SCO1: variants seen among roughly 807,000 people sequenced by gnomAD.
SCO1 encodes the protein synthesis of cytochrome C oxidase 1.
A neutral mutation model predicts 34.0 loss-of-function variants in SCO1; 23 were observed. The observed-to-expected ratio is 0.68, with a 90% CI of 0.49 to 0.96. The LOEUF is 0.96. Among genes scored for constraint, SCO1 ranks in the 40% least tolerant of loss-of-function variants. The pLI is 0.00. For synonymous variants in SCO1, 161 were observed against 145.5 expected (o/e 1.11, Z -0.77); for missense variants, 404 against 381.6 (o/e 1.06, Z -0.49).
Position 10,675,435 on chromosome 17 carries a change from G to A in SCO1, c.*5684C>T, listed in dbSNP as rs542695556. 1 of 152,372 alleles carries A rather than the reference G, an allele frequency of 6.6e-6. No homozygotes were observed. Among genetic ancestry groups the A allele is most frequent in the South Asian group, 2.1e-4 (1 of 4,832 alleles). 9.4% of individuals were successfully genotyped at this position (152,372 alleles called of 1,614,324 possible). On this transcript the variant is annotated 3_prime_UTR_variant, in exon 6 of 6. Coordinates refer to ENST00000255390, the MANE Select transcript of SCO1 (RefSeq NM_004589.4). ...TTGCTTTCTTTCAAGACTGCCTTTTGCAGGGACTCTTTTTCCCCTCTACTT... is the reference window on the plus strand; with the variant it reads ...TTGCTTTCTTTCAAGACTGCCTTTTACAGGGACTCTTTTTCCCCTCTACTT...
In SCO1 at chr17:10,675,032, A is replaced by T. The variant is rs1395351914; in HGVS notation, c.*6087T>A. 1 of 152,266 alleles carries T rather than the reference A, an allele frequency of 6.6e-6. No homozygotes were observed. The highest frequency in any genetic ancestry group is 1.5e-5 in the Non-Finnish European group (1 of 68,084). 9.4% of individuals were successfully genotyped at this position (152,266 alleles called of 1,614,324 possible). On this transcript the variant is annotated 3_prime_UTR_variant, in exon 6 of 6. Coordinates refer to ENST00000255390, the MANE Select transcript of SCO1 (RefSeq NM_004589.4). Reference sequence around the variant, plus strand: ...CTTCAGTTTGCTCCTCCTCAGTGTCAGGGTCCCAGGGCCCTAGAAGTCTCT... The same window carrying T: ...CTTCAGTTTGCTCCTCCTCAGTGTCTGGGTCCCAGGGCCCTAGAAGTCTCT...
At chr17:10,696,487 T>A (rs983153476) in intron 1 of SCO1, among the ~76,000 whole-genome samples, 2 of 152,062 alleles carry the variant, frequency 1.3e-5, no homozygotes, top group Non-Finnish European at 2.9e-5. Flanking sequence ...CAAAAAACAA[T>A]TATCTGCTTA....
chr17:10,695,918 A>G (rs1192286987), intron 1 of SCO1, 87 bp from the exon 2 acceptor site: 1 of 930,182 alleles, frequency 1.1e-6, no homozygotes, highest in East Asian at 2.5e-5. Flanking sequence ...TTTTTAATAT[A>G]CATACACACA....
At chr17:10,696,573 CA>C (rs1307998412) in intron 1 of SCO1, among the ~76,000 whole-genome samples, 1 of 152,164 alleles carries the variant, frequency 6.6e-6, no homozygotes, top group Non-Finnish European at 1.5e-5. Context: ...GTAACAATGC[CA>C]AAGTAGAAGA....
In SCO1 at chr17:10,677,464, G is replaced by A. The variant is rs1276917937; in HGVS notation, c.*3655C>T. 2 of 152,114 alleles carry A rather than the reference G, an allele frequency of 1.3e-5. No individual in the cohort carries two copies. Among genetic ancestry groups the A allele is most frequent in the Non-Finnish European group, 2.9e-5 (2 of 68,026 alleles). 9.4% of individuals were successfully genotyped at this position (152,114 alleles called of 1,614,324 possible). On this transcript the variant is annotated 3_prime_UTR_variant, in exon 6 of 6. Transcript: ENST00000255390. Reference sequence around the variant, plus strand: ...GGTACTAAACAGAAAACCAAAAAAGGTTTGGGAGATTATGGATGATTTGAA... The same window carrying A: ...GGTACTAAACAGAAAACCAAAAAAGATTTGGGAGATTATGGATGATTTGAA...
rs947605782 is a variant in SCO1 at position 10,679,267 on chromosome 17, A to C, written c.*1852T>G. The C allele has an allele frequency of 6.6e-6, 1 of 152,102 alleles. No individual in the cohort carries two copies. The highest frequency in any genetic ancestry group is 1.5e-5 in the Non-Finnish European group (1 of 68,030). 9.4% of individuals were successfully genotyped at this position (152,102 alleles called of 1,614,324 possible). A position where few individuals can be genotyped will look rare whatever the true frequency, so the allele number is the denominator to read the frequency against. ...CCAGCTAATCTATTATTTTAAGAAC[A>C]CCAGTCATATAGAATTAGGGCCAAC... On this transcript the variant is annotated 3_prime_UTR_variant, in exon 6 of 6. Coordinates refer to ENST00000255390, the MANE Select transcript of SCO1 (RefSeq NM_004589.4).
Position 10,675,798 on chromosome 17 carries a change from A to G in SCO1, c.*5321T>C, listed in dbSNP as rs960993858. The G allele has an allele frequency of 3.3e-5, 5 of 152,182 alleles. No individual in the cohort carries two copies. Among genetic ancestry groups the G allele is most frequent in the African/African-American group, 1.2e-4 (5 of 41,446 alleles). 9.4% of individuals were successfully genotyped at this position (152,182 alleles called of 1,614,324 possible). A position where few individuals can be genotyped will look rare whatever the true frequency, so the allele number is the denominator to read the frequency against. ...AGTCTTTTTAAACTGGTCCAACCTGAATAACGCCACCCTATGTTTAAGAAT... is the reference window on the plus strand; with the variant it reads ...AGTCTTTTTAAACTGGTCCAACCTGGATAACGCCACCCTATGTTTAAGAAT... On this transcript the variant is annotated 3_prime_UTR_variant, in exon 6 of 6. Transcript: ENST00000255390.
In SCO1 at chr17:10,691,879, A is replaced by C; in HGVS notation, c.648T>G (p.Tyr216Ter). ...TATTATTTAAAAAAATACCTTTCAC[A>C]TAATTTGCGATGGCTTCTTTTGTGT... The part of the protein sequence containing the change: ...ERDTKEAIAN[Y>*]VKEFSPKLVG... The change falls in exon 4 of 6, where the codon TAT (tyrosine) becomes TAG (stop). Residue 216 changes from tyrosine to a stop codon, truncating the protein, a stop_gained. Coordinates refer to ENST00000255390, the MANE Select transcript of SCO1 (RefSeq NM_004589.4). LOFTEE classifies it high-confidence loss of function. 1 of 1,604,260 alleles carries C rather than the reference A, an allele frequency of 6.2e-7. No homozygotes were observed. Among genetic ancestry groups the C allele is most frequent in the Non-Finnish European group, 8.5e-7 (1 of 1,171,004 alleles).
intron 5 of SCO1, among the ~76,000 whole-genome samples, chr17:10,683,523 T>C (rs1332166958): frequency 2.0e-5 from 3 of 152,132 alleles, no homozygotes. Context: ...GTGCCTGCTG[T>C]TCCAAATTCA....
Position 10,680,889 on chromosome 17 carries a change from G to A in SCO1, c.*230C>T, listed in dbSNP as rs2074617291. 7.1e-6 allele frequency: 4 copies of A among 565,952 alleles called. No homozygotes were observed. Among genetic ancestry groups the A allele is most frequent in the Non-Finnish European group, 9.4e-6 (3 of 319,136 alleles). 35.1% of individuals were successfully genotyped at this position (565,952 alleles called of 1,614,324 possible). A position where few individuals can be genotyped will look rare whatever the true frequency, so the allele number is the denominator to read the frequency against. ...TGGCTTCACTTCAGCTTGATCCTCT[G>A]GTCTCCCCACAGCTTCCTGGGAGAC... On this transcript the variant is annotated 3_prime_UTR_variant, in exon 6 of 6. Coordinates refer to ENST00000255390, the MANE Select transcript of SCO1 (RefSeq NM_004589.4).
Position 10,677,494 on chromosome 17 carries a change from T to C in SCO1, c.*3625A>G, listed in dbSNP as rs1323091963. 1 of 152,222 alleles carries C rather than the reference T, an allele frequency of 6.6e-6. No homozygotes were observed. Among genetic ancestry groups the C allele is most frequent in the East Asian group, 1.9e-4 (1 of 5,202 alleles). The allele number at this position is 152,222 out of a possible 1,614,324, so 9.4% of individuals were successfully genotyped here. Reference sequence around the variant, plus strand: ...GGAGATTATGGATGATTTGAAAATATTAATGTCAATTTCTTTTAAACATAA... The same window carrying C: ...GGAGATTATGGATGATTTGAAAATACTAATGTCAATTTCTTTTAAACATAA... On this transcript the variant is annotated 3_prime_UTR_variant, in exon 6 of 6. Coordinates refer to ENST00000255390, the MANE Select transcript of SCO1 (RefSeq NM_004589.4).
At position 10,697,107 on chromosome 17, in the gene SCO1, G is replaced by T. The variant is rs1597511593; in HGVS notation, c.273+128C>A. On this transcript the variant is annotated intron_variant, in intron 1 of 5. Coordinates refer to ENST00000255390, the MANE Select transcript of SCO1 (RefSeq NM_004589.4). ...GGATGAAATTCCATGACCCAGGTAA[G>T]GCGCGCAAGCTAAGGACAACTTTAG... The T allele has an allele frequency of 1.3e-5, 12 of 895,990 alleles. No homozygotes were observed. In the East Asian group the frequency reaches 3.2e-4, roughly 24 times the overall value. 55.5% of individuals were successfully genotyped at this position (895,990 alleles called of 1,614,324 possible).
At position 10,674,678 on chromosome 17, in the gene SCO1, T is replaced by C. The variant is rs1446252091; in HGVS notation, c.*6441A>G. 1 of 152,482 alleles carries C rather than the reference T, an allele frequency of 6.6e-6. No homozygotes were observed. The highest frequency in any genetic ancestry group is 1.5e-5 in the Non-Finnish European group (1 of 68,282). 9.4% of individuals were successfully genotyped at this position (152,482 alleles called of 1,614,324 possible). A position where few individuals can be genotyped will look rare whatever the true frequency, so the allele number is the denominator to read the frequency against. On this transcript the variant is annotated 3_prime_UTR_variant, in exon 6 of 6. Coordinates refer to ENST00000255390, the MANE Select transcript of SCO1 (RefSeq NM_004589.4). ...AGATGGTGTGTGACACGTCTGACAT[T>C]GTGATGGCGAAACCACCTCAAGGTC...
rs941426497 is a variant in SCO1 at position 10,677,384 on chromosome 17, A to G, written c.*3735T>C. On this transcript the variant is annotated 3_prime_UTR_variant, in exon 6 of 6. Transcript: ENST00000255390. ...AACTAATTGGGTAACAAATGCTCGCATGGGTGACTGCTCTTTTAAAGGTAG... is the reference window on the plus strand; with the variant it reads ...AACTAATTGGGTAACAAATGCTCGCGTGGGTGACTGCTCTTTTAAAGGTAG... 1.3e-5 allele frequency: 2 copies of G among 152,220 alleles called. No individual in the cohort carries two copies. Among genetic ancestry groups the G allele is most frequent in the Admixed American group, 6.5e-5 (1 of 15,276 alleles). The allele number at this position is 152,220 out of a possible 1,614,324, so 9.4% of individuals were successfully genotyped here.
intron 2 of SCO1, among the ~76,000 whole-genome samples, chr17:10,695,026 A>T (rs2074713080): frequency 6.6e-6 from 1 of 152,238 alleles, no homozygotes; most frequent in Admixed American, 6.5e-5. Flanking sequence ...CAAATCTTAA[A>T]AGTCCTAGGA....
At chr17:10,692,527 T>A (rs2151456894) in intron 3 of SCO1, among the ~76,000 whole-genome samples, 2 of 152,216 alleles carry the variant, frequency 1.3e-5, no homozygotes, top group South Asian at 4.1e-4. Flanking sequence ...AAAAGTAGAG[T>A]TAAGGGAGAC....
intron 1 of SCO1, among the ~76,000 whole-genome samples, chr17:10,696,677 G>A (rs900101853): frequency 7.3e-6 from 1 of 137,868 alleles, no homozygotes; most frequent in African/African-American, 3.5e-5. Flanking sequence ...TGGCCAACTA[G>A]ACTAGGCCTA....
chr17:10,693,599 G>A (rs570221974), intron 2 of SCO1, among the ~76,000 whole-genome samples: 1 of 152,260 alleles, frequency 6.6e-6, no homozygotes, highest in South Asian at 2.1e-4. Context: ...CATGTCCACT[G>A]AGAGGACCAG....
chr17:10,686,937 T>G, intron 4 of SCO1, 95 bp from the exon 5 acceptor site: 1 of 783,684 alleles, frequency 1.3e-6, no homozygotes, highest in Non-Finnish European at 2.3e-6. Flanking sequence ...GCAGCTCTAC[T>G]GCCACTTTCT....
Sources: gnomAD v4.1 joint callset for allele counts (sites outside exome capture counted in the v4.1 genomes callset) on GRCh38, gnomAD v4.1.1 for gene constraint, MANE v1.5 for transcripts, NCBI Gene and HGNC (gene_info 2026-07-23, HGNC 2026-07-21) for gene names.